HVCN1: variants seen among roughly 807,000 people sequenced by gnomAD.
The protein encoded by HVCN1 is hydrogen voltage gated channel 1.
Under a neutral mutation model 29.2 loss-of-function variants are expected in HVCN1, and 14 were observed. The ratio of observed to expected loss-of-function variants is 0.48; its 90% CI spans 0.32 to 0.75. The LOEUF (loss-of-function observed/expected upper bound fraction) is 0.75, where lower values mean the gene tolerates loss of function less well. HVCN1 is among the 30% of genes least tolerant of loss of function. The pLI is 0.04. For synonymous variants in HVCN1, 131 were observed against 133.2 expected (o/e 0.98, Z 0.11); for missense variants, 263 against 341.8 (o/e 0.77, Z 1.82).
chr12:110,699,020 C>T (rs541459981), intron 2 of HVCN1, among the ~76,000 whole-genome samples: 8 of 152,124 alleles, frequency 5.3e-5, no homozygotes, highest in East Asian at 1.9e-4. Flanking sequence ...CCCAGCCAGT[C>T]GGGAGGCTGA....
intron 3 of HVCN1, among the ~76,000 whole-genome samples, chr12:110,663,474 C>T (rs1238542180): frequency 6.6e-6 from 1 of 151,196 alleles, no homozygotes; most frequent in African/African-American, 2.4e-5. Context: ...TGGTAGCACA[C>T]CTGTAGTCCC....
At chr12:110,688,187 A>G (rs1386985344) in intron 2 of HVCN1, 4 of 152,240 alleles carry the variant, frequency 2.6e-5, no homozygotes, top group Non-Finnish European at 5.9e-5. Context: ...AGCATCTTAT[A>G]TCATCTTCTC....
chr12:110,652,122 A>T (rs1292843548), intron 5 of HVCN1, among the ~76,000 whole-genome samples: 3 of 152,246 alleles, frequency 2.0e-5, no homozygotes, highest in Non-Finnish European at 4.4e-5. Flanking sequence ...GGCTGGGCAC[A>T]GTGGCTCATG....
chr12:110,693,990 C>T (rs1216064633), upstream of HVCN1, among the ~76,000 whole-genome samples: 3 of 152,184 alleles, frequency 2.0e-5, no homozygotes, highest in African/African-American at 7.2e-5. Flanking sequence ...CCCGGTCCTC[C>T]GCATTTCTTA....
chr12:110,680,563 T>C (rs950685470), intron 3 of HVCN1, among the ~76,000 whole-genome samples: 35 of 152,330 alleles, frequency 2.3e-4, no homozygotes, highest in Middle Eastern at 3.4e-3. Context: ...ACCAAACTTA[T>C]GTATCATCTA....
At chr12:110,687,300 G>A (rs2069228290) in intron 2 of HVCN1, among the ~76,000 whole-genome samples, 1 of 151,368 alleles carries the variant, frequency 6.6e-6, no homozygotes, top group African/African-American at 2.4e-5. Context: ...GCCAGCCAGA[G>A]TAAGGGGCCA....
At chr12:110,692,140 A>G (rs1354923443), upstream of HVCN1, among the ~76,000 whole-genome samples, 1 of 152,240 alleles carries the variant, frequency 6.6e-6, no homozygotes, top group African/African-American at 2.4e-5. Flanking sequence ...AGTATTGAGC[A>G]TAATAAGATT....
rs1194353085 is a variant in HVCN1 at position 110,676,782 on chromosome 12, C to A, written c.21+6443G>T. ...TCACCCCACGTGCCTTTTCCCTTTA[C>A]TGATTTTAATTTCAATCCTTTTGTG... On this transcript the variant is annotated intron_variant, in intron 3 of 7. Coordinates refer to ENST00000242607, the MANE Select transcript of HVCN1 (RefSeq NM_032369.4). The surrounding 1 kb of genome is among the most constrained non-coding windows in gnomAD (Gnocchi z 4.1). Among the ~76,000 whole-genome samples, 1 of 152,142 alleles carries A rather than the reference C, an allele frequency of 6.6e-6. No homozygotes were observed. Among genetic ancestry groups the A allele is most frequent in the African/African-American group, 2.4e-5 (1 of 41,426 alleles).
chr12:110,701,862 CAAAACAAAACAACA>C (rs1173548480), intron 2 of HVCN1, among the ~76,000 whole-genome samples: 1 of 148,568 alleles, frequency 6.7e-6, no homozygotes, highest in Non-Finnish European at 1.5e-5. Flanking sequence ...GTCTCAAAAA[CAAAACAAAACAACA>C]AGAACAAAAC....
At position 110,649,238 on chromosome 12, in the gene HVCN1, G is replaced by A. The variant is rs925286074; in HGVS notation, c.*172C>T. The A allele has an allele frequency of 1.0e-5, 7 of 668,142 alleles. 1 individual carries two copies. Among genetic ancestry groups the A allele is most frequent in the South Asian group, 6.7e-5 (4 of 59,272 alleles). The allele number at this position is 668,142 out of a possible 1,614,324, so 41.4% of individuals were successfully genotyped here. A position where few individuals can be genotyped will look rare whatever the true frequency, so the allele number is the denominator to read the frequency against. The stretch of plus-strand genomic sequence containing the variant: ...TGGGAGTGGATGGGCAGCTCTTGGT[G>A]GTACTGGACCTTCCACAAGGCTGTG... On this transcript the variant is annotated 3_prime_UTR_variant, in exon 8 of 8. Coordinates refer to ENST00000242607, the MANE Select transcript of HVCN1 (RefSeq NM_032369.4).
intron 2 of HVCN1, among the ~76,000 whole-genome samples, chr12:110,687,658 AG>A (rs2069244972): frequency 6.6e-6 from 1 of 151,876 alleles, no homozygotes; most frequent in South Asian, 2.1e-4. Flanking sequence ...GGGTGGAAGT[AG>A]GGGGTGGAGG....
At position 110,698,476 on chromosome 12, in the gene HVCN1, C is replaced by T. The variant is rs984263428; in HGVS notation, c.-104+3833G>A. 9.2e-5 allele frequency among the ~76,000 whole-genome samples: 14 copies of T among 152,306 alleles called. No homozygotes were observed. In the East Asian group the frequency reaches 2.7e-3, roughly 29 times the overall value. Reference sequence around the variant, plus strand: ...AGTGCTCTCCACACCTCGGTTCCGCCCTCCAGGCCAACTAGAGGCTTCCGC... The same window carrying T: ...AGTGCTCTCCACACCTCGGTTCCGCTCTCCAGGCCAACTAGAGGCTTCCGC... On this transcript the variant is annotated intron_variant, in intron 2 of 4. Transcript: ENST00000546713.
At chr12:110,682,219 T>G (rs2069005699) in intron 3 of HVCN1, among the ~76,000 whole-genome samples, 1 of 152,068 alleles carries the variant, frequency 6.6e-6, no homozygotes, top group African/African-American at 2.4e-5. Flanking sequence ...AACTCCTGAC[T>G]TCAGGTGATC....
chr12:110,693,561 G>A (rs73194020), upstream of HVCN1, among the ~76,000 whole-genome samples: 13,371 of 150,920 alleles, frequency 0.089, 657 homozygotes, highest in Middle Eastern at 0.11. Context: ...AAAAAAAAAC[G>A]GAAAAAAAAA....
rs749592355 is a variant in HVCN1, at chr12:110,651,344, G to T, written c.516C>A (p.Ile172=). The part of the protein sequence containing the change: ...RLEFFHHKFE[I]LDAVVVVVSF... Reference sequence around the variant, plus strand: ...AGACCACCACCACGACGGCATCCAGGATCTCAAACTTGTGGTGAAAGAACT... The same window carrying T: ...AGACCACCACCACGACGGCATCCAGTATCTCAAACTTGTGGTGAAAGAACT... The change falls in exon 6 of 8, where the codon ATC becomes ATA. Residue 172 remains isoleucine, a synonymous_variant. Transcript: ENST00000242607. The T allele has an allele frequency of 4.3e-6, 7 of 1,613,788 alleles. No individual in the cohort carries two copies. The highest frequency in any genetic ancestry group is 5.9e-6 in the Non-Finnish European group (7 of 1,179,672).
upstream of HVCN1, chr12:110,689,193 C>T (rs989072402): frequency 6.6e-6 from 1 of 151,382 alleles, no homozygotes; most frequent in Non-Finnish European, 1.5e-5. This position sits in a 1 kb window ranked among gnomAD's most constrained non-coding sequence, Gnocchi z 5.7. Flanking sequence ...GGGCCGCCCC[C>T]GCCCCCGTCC....
chr12:110,656,103 G>A (rs992105407), intron 4 of HVCN1, among the ~76,000 whole-genome samples: 1 of 152,168 alleles, frequency 6.6e-6, no homozygotes, highest in Non-Finnish European at 1.5e-5. Flanking sequence ...TCGGCAGTCC[G>A]AGTCCTGGAA....
rs954421045 is a variant in HVCN1 at position 110,672,063 on chromosome 12, T to A, written c.22-10615A>T. ...GTTCCTTTCATCTTTTGAAAAAATA[T>A]TTGAGTCTCTCTGATGTGCCAGGCT... On this transcript the variant is annotated intron_variant, in intron 3 of 7. Coordinates refer to ENST00000242607, the MANE Select transcript of HVCN1 (RefSeq NM_032369.4). 2.6e-5 allele frequency among the ~76,000 whole-genome samples: 4 copies of A among 152,298 alleles called. No individual in the cohort carries two copies. The East Asian group carries it at 7.7e-4, about 29-fold the overall frequency.
chr12:110,699,384 G>T (rs988790043), intron 2 of HVCN1, among the ~76,000 whole-genome samples: 1 of 152,160 alleles, frequency 6.6e-6, no homozygotes, highest in Non-Finnish European at 1.5e-5. Context: ...TCCTGTTGGG[G>T]TGGGCTCCTG....
Sources: allele counts gnomAD v4.1 joint callset (sites outside exome capture counted in the v4.1 genomes callset), GRCh38; gene constraint gnomAD v4.1.1; non-coding constraint Gnocchi (gnomAD v3.1); transcripts MANE v1.5; gene names NCBI Gene and HGNC (gene_info 2026-07-23, HGNC 2026-07-21).